The following MAGI3 variants were observed in gnomAD, a reference collection of about 807,000 sequenced individuals.
The protein encoded by MAGI3 is membrane associated guanylate kinase, WW and PDZ domain containing 3, also known as membrane-associated guanylate kinase, WW and PDZ domain-containing protein 3.
In MAGI3, 43 loss-of-function variants were observed where a neutral mutation model predicts 121.8. The observed-to-expected ratio is 0.35, with a 90% CI of 0.28 to 0.46. The LOEUF is 0.46. Ranked by LOEUF, MAGI3 falls within the 20% of genes least tolerant of loss-of-function variation. The probability of loss-of-function intolerance (pLI) is 1.00; values close to 1 mark genes in which losing one functional copy is unlikely to be tolerated. For missense variants in MAGI3, 1,547 were observed against 1,797.3 expected, an observed-to-expected ratio of 0.86 and a Z score of 2.52; for synonymous variants, 553 against 639.3, an observed-to-expected ratio of 0.86 and a Z score of 2.04.
chr1:113,415,755 G>A (rs1190409300), intron 1 of MAGI3, among the ~76,000 whole-genome samples: 2 of 151,874 alleles, frequency 1.3e-5, no homozygotes, highest in African/African-American at 4.8e-5. Context: ...ACCAGAATAT[G>A]CTTTGTACTT....
chr1:113,595,616 G>A (rs1358825152), intron 6 of MAGI3, among the ~76,000 whole-genome samples: 1 of 152,122 alleles, frequency 6.6e-6, no homozygotes, highest in Non-Finnish European at 1.5e-5. Flanking sequence ...ATCAGAAAAT[G>A]GAATTGTTTA....
intron 1 of MAGI3, among the ~76,000 whole-genome samples, chr1:113,425,392 C>T (rs985505642): frequency 5.5e-5 from 8 of 146,538 alleles, no homozygotes; most frequent in Non-Finnish European, 1.2e-4. Flanking sequence ...AAGCCATTCT[C>T]CTGCCTCAGC....
intron 9 of MAGI3, among the ~76,000 whole-genome samples, chr1:113,639,064 G>A (rs1407702313): frequency 2.0e-5 from 3 of 152,192 alleles, no homozygotes; most frequent in Admixed American, 6.5e-5. Flanking sequence ...CTCCTGGTGC[G>A]CCGTTTTTTA....
intron 8 of MAGI3, among the ~76,000 whole-genome samples, chr1:113,622,514 T>C (rs1650889730): frequency 2.6e-5 from 4 of 152,194 alleles, no homozygotes; most frequent in African/African-American, 9.7e-5. Context: ...TTTCATAAGT[T>C]TGTGACACTT....
chr1:113,545,327 A>ATTTT (rs137969782), intron 1 of MAGI3, among the ~76,000 whole-genome samples: 1 of 149,498 alleles, frequency 6.7e-6, no homozygotes, highest in Non-Finnish European at 1.5e-5. Context: ...AAATGACCTC[A>ATTTT]TTTTTTTTTT....
intron 2 of MAGI3, among the ~76,000 whole-genome samples, chr1:113,549,988 C>T (rs183795060): frequency 2.0e-5 from 3 of 151,578 alleles, no homozygotes; most frequent in South Asian, 4.2e-4. Flanking sequence ...TGGTGGCGGG[C>T]GCCTATAATC....
intron 1 of MAGI3, among the ~76,000 whole-genome samples, chr1:113,455,192 T>C (rs1227392307): frequency 6.6e-6 from 1 of 152,032 alleles, no homozygotes; most frequent in Non-Finnish European, 1.5e-5. Context: ...TATGAGTACC[T>C]ACAGCAAATC....
intron 9 of MAGI3, among the ~76,000 whole-genome samples, chr1:113,625,136 C>A (rs1458196432): frequency 6.6e-6 from 1 of 152,056 alleles, no homozygotes; most frequent in Non-Finnish European, 1.5e-5. Flanking sequence ...GTGATTCCTC[C>A]AGTTGTGTTC....
chr1:113,609,328 A>C (rs2101766644), intron 6 of MAGI3, among the ~76,000 whole-genome samples: 1 of 152,344 alleles, frequency 6.6e-6, no homozygotes, highest in South Asian at 2.1e-4. Flanking sequence ...TGAACATTTA[A>C]GATCTTCTAG....
At chr1:113,512,723 G>C (rs1231783703) in intron 1 of MAGI3, among the ~76,000 whole-genome samples, 3 of 152,254 alleles carry the variant, frequency 2.0e-5, no homozygotes, top group African/African-American at 7.2e-5. Flanking sequence ...CACAAGACAG[G>C]GGTGCCCTCT....
chr1:113,480,950 G>A (rs1329918976), intron 1 of MAGI3, among the ~76,000 whole-genome samples: 1 of 152,100 alleles, frequency 6.6e-6, no homozygotes, highest in Non-Finnish European at 1.5e-5. Flanking sequence ...TAGTCAGAAG[G>A]ACCTGGTCCA....
chr1:113,626,386 T>C (rs140718529), intron 9 of MAGI3, among the ~76,000 whole-genome samples: 1 of 152,354 alleles, frequency 6.6e-6, no homozygotes, highest in East Asian at 1.9e-4. Flanking sequence ...TGAGGAGTTT[T>C]ACATCAGTAC....
intron 1 of MAGI3, among the ~76,000 whole-genome samples, chr1:113,402,050 G>A (rs1651436367): frequency 6.6e-6 from 1 of 152,156 alleles, no homozygotes; most frequent in South Asian, 2.1e-4. Flanking sequence ...CTTAGCAATG[G>A]CAGAAGTCAT....
intron 1 of MAGI3, among the ~76,000 whole-genome samples, chr1:113,478,220 C>T (rs921627474): frequency 4.6e-5 from 7 of 152,182 alleles, no homozygotes; most frequent in Non-Finnish European, 1.0e-4. Context: ...CCTTCTGAAG[C>T]CTACTTTTGT....
At chr1:113,490,253 T>A (rs945470157) in intron 1 of MAGI3, among the ~76,000 whole-genome samples, 1 of 151,994 alleles carries the variant, frequency 6.6e-6, no homozygotes, top group African/African-American at 2.4e-5. Flanking sequence ...TTAAAAGAAA[T>A]CCCAACCCAG....
chr1:113,623,613 G>A lies in MAGI3; in HGVS notation c.1360+619G>A, dbSNP rs948646036. On this transcript the variant is annotated intron_variant, in intron 9 of 20. Transcript: ENST00000307546. ...CGCCATTCTCCTGCCTCAGCCTCCC[G>A]AGTAGCTGGGACTACAGGCGCCCGC... is the stretch of plus-strand genomic sequence containing the variant. Among the ~76,000 whole-genome samples the A allele has an allele frequency of 4.6e-5, 7 of 151,516 alleles. No homozygotes were observed. In the South Asian group the frequency reaches 6.3e-4, roughly 14 times the overall value.
chr1:113,569,646 A>G (rs969163598), intron 2 of MAGI3, among the ~76,000 whole-genome samples: 6 of 152,156 alleles, frequency 3.9e-5, no homozygotes, highest in African/African-American at 1.4e-4. Context: ...TGCAATACAT[A>G]TGTCTGACAA....
At chr1:113,682,326 C>T in intron 20 of MAGI3, 1 of 1,574,466 alleles carries the variant, frequency 6.4e-7, no homozygotes, top group Non-Finnish European at 8.6e-7. Context: ...TCTTGTAAAT[C>T]ACTTTCTTCT....
At chr1:113,654,697 G>A (rs1653374090) in intron 15 of MAGI3, among the ~76,000 whole-genome samples, 1 of 151,900 alleles carries the variant, frequency 6.6e-6, no homozygotes, top group Non-Finnish European at 1.5e-5. Context: ...GGGCTGTTAC[G>A]ATTCAGCAAA....
Sources: allele counts gnomAD v4.1 joint callset (sites outside exome capture counted in the v4.1 genomes callset), GRCh38; gene constraint gnomAD v4.1.1; transcripts MANE v1.5; gene names NCBI Gene and HGNC (gene_info 2026-07-23, HGNC 2026-07-21).